Variants in NTRK2 observed in about 807,000 individuals in gnomAD.
The protein encoded by NTRK2 is BDNF/NT-3 growth factors receptor.
NTRK2 carries 13 observed loss-of-function variants against 94.5 expected under a neutral mutation model. The observed-to-expected ratio is 0.14, with a 90% confidence interval of 0.09 to 0.22. The LOEUF (loss-of-function observed/expected upper bound fraction) is 0.22. NTRK2 is among the 10% of genes least tolerant of loss of function. The pLI is 1.00. For missense variants in NTRK2, 639 were observed against 1,071.2 expected (o/e 0.60, Z 5.63); for synonymous variants, 372 against 407.4 (o/e 0.91, Z 1.05).
chr9:84,948,702 A>G (rs967768794), intron 16 of NTRK2, 68 bp downstream of exon 16: 6 of 1,470,042 alleles, frequency 4.1e-6, no homozygotes, highest in Middle Eastern at 1.8e-4. Context: ...TGGAGGGTTC[A>G]TGGGAGGGAA....
chr9:84,762,153 C>T (rs2065634212), intron 12 of NTRK2, among the ~76,000 whole-genome samples: 3 of 152,140 alleles, frequency 2.0e-5, no homozygotes, highest in South Asian at 2.1e-4. Context: ...ACTGTGGGTC[C>T]GTTAAACCTG....
At chr9:84,862,677 G>C (rs1014881230) in intron 13 of NTRK2, among the ~76,000 whole-genome samples, 1 of 152,134 alleles carries the variant, frequency 6.6e-6, no homozygotes, top group Non-Finnish European at 1.5e-5. Context: ...TGTCACTCGT[G>C]GTTCCCAAAA....
chr9:84,876,273 C>A (rs200047012), intron 14 of NTRK2: 2 of 1,044,734 alleles, frequency 1.9e-6, no homozygotes, highest in Non-Finnish European at 2.3e-6. Context: ...AGCTAGTCTC[C>A]ACTTTAGGGA....
In NTRK2 at chr9:84,670,800, T is replaced by G. The variant is rs1172673440; in HGVS notation, c.52T>G (p.Phe18Val). The change falls in exon 2 of 19, where the codon TTC becomes GTC. Residue 18 changes from phenylalanine to valine, a missense_variant. Phe to Val is a conservative substitution (Grantham distance 50). Around this residue, in one of 5 missense-constraint regions of NTRK2, gnomAD observed 206 missense variants for 251.5 expected, o/e 0.82. Coordinates refer to ENST00000277120, the MANE Select transcript of NTRK2 (RefSeq NM_006180.6). ...ACCCGCCATGGCGCGGCTCTGGGGC[T>G]TCTGCTGGCTGGTTGTGGGCTTCTG... ...HGPAMARLWG[F>V]CWLVVGFWRA... The G allele has an allele frequency of 6.2e-7, 1 of 1,613,972 alleles. No individual in the cohort carries two copies. Among genetic ancestry groups the G allele is most frequent in the African/African-American group, 1.3e-5 (1 of 74,930 alleles).
At chr9:84,787,759 A>T (rs764053448) in intron 12 of NTRK2, among the ~76,000 whole-genome samples, 4 of 152,206 alleles carry the variant, frequency 2.6e-5, no homozygotes, top group Non-Finnish European at 5.9e-5. Context: ...CTCCTACTGT[A>T]TAGAGTTGTT....
At chr9:84,797,042 T>A (rs1055599213) in intron 12 of NTRK2, among the ~76,000 whole-genome samples, 1 of 152,176 alleles carries the variant, frequency 6.6e-6, no homozygotes, top group Non-Finnish European at 1.5e-5. Context: ...TTATTTCTAG[T>A]CTTAATAAAT....
intron 14 of NTRK2, among the ~76,000 whole-genome samples, chr9:84,890,313 G>A (rs185913455): frequency 4.7e-4 from 71 of 152,310 alleles, no homozygotes; most frequent in Non-Finnish European, 6.9e-4. Context: ...GCTAATGGCC[G>A]TGACCCTTAC....
chr9:84,824,777 C>G (rs1317378439), intron 12 of NTRK2, among the ~76,000 whole-genome samples: 1 of 152,170 alleles, frequency 6.6e-6, no homozygotes, highest in African/African-American at 2.4e-5. Context: ...CCAGCAGCTT[C>G]TACATCTTGC....
At chr9:84,763,142 A>G (rs1167891875) in intron 12 of NTRK2, among the ~76,000 whole-genome samples, 3 of 152,082 alleles carry the variant, frequency 2.0e-5, no homozygotes, top group African/African-American at 7.2e-5. Flanking sequence ...GAGACATACT[A>G]TTCCCCTACT....
Position 84,884,339 on chromosome 9 carries a change from A to G in NTRK2, c.1633+16908A>G, listed in dbSNP as rs1308415530. Among the ~76,000 whole-genome samples the G allele has an allele frequency of 5.3e-5, 8 of 152,340 alleles. No individual in the cohort carries two copies. The South Asian group carries it at 1.7e-3, about 32-fold the overall frequency. On this transcript the variant is annotated intron_variant, in intron 14 of 18. Transcript: ENST00000277120. ...ATAACTCAGTTGAAAACAAAAATGT[A>G]AGGAAGAGTTAGAAAATTTGGAGGC... is the stretch of plus-strand genomic sequence containing the variant.
intron 12 of NTRK2, among the ~76,000 whole-genome samples, chr9:84,806,465 G>T (rs1479467915): frequency 6.6e-6 from 1 of 152,194 alleles, no homozygotes; most frequent in Non-Finnish European, 1.5e-5. Flanking sequence ...ATTGAGCACA[G>T]AGAAGAAAGG....
At chr9:84,675,324 C>CTTTTTTTTTTTTTTTTTTTTTTTTTTTTT (rs536445167) in intron 2 of NTRK2, among the ~76,000 whole-genome samples, 3 of 67,324 alleles carry the variant, frequency 4.5e-5, no homozygotes, top group African/African-American at 1.2e-4. Flanking sequence ...TCTTTCTTTC[C>CTTTTTTTTTTTTTTTTTTTTTTTTTTTTT]TTTTTTTTTT....
chr9:84,835,217 G>A (rs750420473), intron 12 of NTRK2, among the ~76,000 whole-genome samples: 3 of 152,070 alleles, frequency 2.0e-5, no homozygotes, highest in Non-Finnish European at 2.9e-5. Context: ...AGTAGGTGTC[G>A]CCATTCATCA....
At chr9:84,839,463 C>T (rs1465588520) in intron 12 of NTRK2, among the ~76,000 whole-genome samples, 3 of 152,170 alleles carry the variant, frequency 2.0e-5, no homozygotes, top group East Asian at 1.9e-4. Context: ...CTCTTGGACC[C>T]GTCCTCCCAT....
chr9:84,927,191 A>G (rs2077850927), intron 14 of NTRK2, among the ~76,000 whole-genome samples: 1 of 152,204 alleles, frequency 6.6e-6, no homozygotes. Context: ...CAAGCTTAGG[A>G]TCAAATTATG....
intron 12 of NTRK2, among the ~76,000 whole-genome samples, chr9:84,828,853 G>A (rs1056208857): frequency 1.3e-5 from 2 of 152,164 alleles, no homozygotes; most frequent in Non-Finnish European, 2.9e-5. Flanking sequence ...TAGGCTCCTG[G>A]GGACTGTGTC....
chr9:84,871,220 C>T (rs190277741), intron 14 of NTRK2, among the ~76,000 whole-genome samples: 5 of 152,196 alleles, frequency 3.3e-5, no homozygotes, highest in African/African-American at 7.2e-5. Context: ...CGATCAGGCA[C>T]GTCAATGCAA....
chr9:85,000,570 C>T (rs1044903567), intron 17 of NTRK2, among the ~76,000 whole-genome samples: 1 of 152,126 alleles, frequency 6.6e-6, no homozygotes, highest in Non-Finnish European at 1.5e-5. Context: ...TTTAAAGTAC[C>T]TCCATGTCTT....
chr9:84,910,022 G>A (rs1167861953), intron 14 of NTRK2, among the ~76,000 whole-genome samples: 1 of 152,030 alleles, frequency 6.6e-6, no homozygotes, highest in East Asian at 1.9e-4. Context: ...AGATCCTGAA[G>A]GTTATCTCTA....
Sources: gnomAD v4.1 joint callset for allele counts (sites outside exome capture counted in the v4.1 genomes callset) on GRCh38, gnomAD v4.1.1 for gene constraint, gnomAD v4.1.1 regional missense constraint, MANE v1.5 for transcripts, NCBI Gene and HGNC (gene_info 2026-07-23, HGNC 2026-07-21) for gene names.